The following CIMAP2 variants were observed in gnomAD, a reference collection of about 807,000 sequenced individuals.
CIMAP2 encodes ciliary microtubule associated protein 2.
chr1:54,807,909 CT>C, the CIMAP2 span: 113 of 1,595,958 alleles, frequency 7.1e-5, no homozygotes, highest in Middle Eastern at 8.4e-4. Context: ...TGGGCCCCGG[CT>C]CCTACAACCT....
At chr1:54,842,143 G>A in the CIMAP2 span, 1 of 545,066 alleles carries the variant, frequency 1.8e-6, no homozygotes, top group Non-Finnish European at 3.3e-6. Context: ...GAACATGGGG[G>A]CCAGAGAGCA....
At chr1:54,814,859 C>T in the CIMAP2 span, 1 of 1,610,566 alleles carries the variant, frequency 6.2e-7, no homozygotes, top group Non-Finnish European at 8.5e-7. Flanking sequence ...GCCCTGGGCC[C>T]AGGCTGACAC....
the CIMAP2 span, among the ~76,000 whole-genome samples, chr1:54,841,167 G>C: frequency 1.3e-5 from 2 of 152,180 alleles, no homozygotes; most frequent in African/African-American, 4.8e-5. Flanking sequence ...CTAGGCATAG[G>C]GGAAATACCA....
At chr1:54,822,438 C>A in the CIMAP2 span, among the ~76,000 whole-genome samples, 2 of 147,548 alleles carry the variant, frequency 1.4e-5, no homozygotes, top group Non-Finnish European at 3.0e-5. Context: ...TTATTTCTTT[C>A]CTTCAACTAA....
chr1:54,811,901 G>A, the CIMAP2 span: 4 of 1,613,984 alleles, frequency 2.5e-6, no homozygotes, highest in South Asian at 1.1e-5. Context: ...TGTGCAGGAT[G>A]AGCAACAAGC....
chr1:54,814,075 A>C, the CIMAP2 span: 14 of 1,369,422 alleles, frequency 1.0e-5, no homozygotes, highest in Non-Finnish European at 1.4e-5. Flanking sequence ...GGAATAGCTC[A>C]GTCTTGGGAT....
chr1:54,820,874 T>C, the CIMAP2 span, among the ~76,000 whole-genome samples: 1 of 152,156 alleles, frequency 6.6e-6, no homozygotes, highest in Admixed American at 6.5e-5. Flanking sequence ...GTTCAAGCGA[T>C]TCTCTTGCCT....
chr1:54,808,909 C>T, the CIMAP2 span, among the ~76,000 whole-genome samples: 1 of 19,068 alleles, frequency 5.2e-5, no homozygotes, highest in Non-Finnish European at 1.3e-4. Flanking sequence ...AGGCCATGCT[C>T]TTTCACATGG....
chr1:54,815,174 T>C, the CIMAP2 span: 1 of 1,297,798 alleles, frequency 7.7e-7, no homozygotes, highest in South Asian at 1.5e-5. Flanking sequence ...CCAAGGGACC[T>C]GAGGTCCACT....
chr1:54,842,210 G>T, the CIMAP2 span: 1 of 373,244 alleles, frequency 2.7e-6, no homozygotes. Context: ...CTATTCTAAA[G>T]CCAGAGTGCT....
the CIMAP2 span, among the ~76,000 whole-genome samples, chr1:54,830,284 G>A: frequency 1.2e-4 from 18 of 152,110 alleles, no homozygotes; most frequent in South Asian, 1.2e-3. This position sits in a 1 kb window ranked among gnomAD's most constrained non-coding sequence, Gnocchi z 4.1. Flanking sequence ...GTGCAATGGC[G>A]CGATCTCAGC....
chr1:54,807,224 G>A, the CIMAP2 span: 1 of 963,008 alleles, frequency 1.0e-6, no homozygotes, highest in Non-Finnish European at 1.6e-6. Context: ...CCCACAGTGG[G>A]GGCTTCCAGT....
At chr1:54,806,698 T>C in the CIMAP2 span, among the ~76,000 whole-genome samples, 1 of 144,874 alleles carries the variant, frequency 6.9e-6, no homozygotes, top group East Asian at 2.1e-4. Flanking sequence ...TGGAGTTTGC[T>C]CTCTTCTGTG....
At chr1:54,841,906 G>T in the CIMAP2 span, 1 of 1,544,788 alleles carries the variant, frequency 6.5e-7, no homozygotes, top group African/African-American at 1.4e-5. Flanking sequence ...GCAGTGACCA[G>T]AGAGCCCAAA....
the CIMAP2 span, among the ~76,000 whole-genome samples, chr1:54,821,377 T>G: frequency 1.3e-5 from 2 of 152,236 alleles, no homozygotes; most frequent in Non-Finnish European, 2.9e-5. Flanking sequence ...CATTTAAGAC[T>G]TCAATCAATT....
the CIMAP2 span, among the ~76,000 whole-genome samples, chr1:54,834,520 C>T: frequency 6.6e-6 from 1 of 152,094 alleles, no homozygotes; most frequent in South Asian, 2.1e-4. Flanking sequence ...ACAGTGTATA[C>T]CTATATACCC....
At chr1:54,814,985 G>A in the CIMAP2 span, 1 of 1,614,166 alleles carries the variant, frequency 6.2e-7, no homozygotes, top group Non-Finnish European at 8.5e-7. Flanking sequence ...CCCCATTCCT[G>A]TTGACCTCCA....
chr1:54,839,397 C>G, the CIMAP2 span, among the ~76,000 whole-genome samples: 3 of 151,690 alleles, frequency 2.0e-5, no homozygotes, highest in Non-Finnish European at 2.9e-5. Flanking sequence ...TTTTTCGAGA[C>G]AGTTTTATTT....
chr1:54,811,765 G>GCCGGGGGGGGGGGGGGGGGGGGGCCCCC, the CIMAP2 span: 1 of 1,301,330 alleles, frequency 7.7e-7, no homozygotes, highest in Non-Finnish European at 1.1e-6. Flanking sequence ...GGTTCTGACA[G>GCCGGGGGGGGGGGGGGGGGGGGGCCCCC]CCTCCATGCC....
Sources: allele counts gnomAD v4.1 joint callset (sites outside exome capture counted in the v4.1 genomes callset), GRCh38; gene constraint gnomAD v4.1.1; non-coding constraint Gnocchi (gnomAD v3.1); transcripts MANE v1.5; gene names NCBI Gene and HGNC (gene_info 2026-07-23, HGNC 2026-07-21).